The following FHIT variants were observed in gnomAD, a reference collection of about 807,000 sequenced individuals.
The protein encoded by FHIT is fragile histidine triad diadenosine triphosphatase, also known as bis(5'-adenosyl)-triphosphatase.
In FHIT, 19 loss-of-function variants were observed where a neutral mutation model predicts 17.9. The observed-to-expected ratio is 1.06, with a 90% CI of 0.74 to 1.56. The LOEUF is 1.56. FHIT is among the 40% of genes most tolerant of loss of function. The probability of loss-of-function intolerance (pLI) is 0.00; values close to 1 mark genes in which losing one functional copy is unlikely to be tolerated. For missense variants in FHIT, 248 were observed against 189.2 expected (o/e 1.31, Z -1.82); for synonymous variants, 81 against 69.7 (o/e 1.16, Z -0.81).
intron 8 of FHIT, among the ~76,000 whole-genome samples, chr3:59,760,971 G>A (rs1701485430): frequency 6.6e-6 from 1 of 152,100 alleles, no homozygotes; most frequent in Admixed American, 6.5e-5. Context: ...GCACCACTGT[G>A]CTCGGCCTAG....
intron 4 of FHIT, among the ~76,000 whole-genome samples, chr3:60,544,596 A>ATTTTTTT (rs33965820): frequency 8.0e-6 from 1 of 124,434 alleles, no homozygotes; most frequent in Non-Finnish European, 1.6e-5. Flanking sequence ...TTCTCAACCT[A>ATTTTTTT]TTTTTTTTTT....
intron 5 of FHIT, among the ~76,000 whole-genome samples, chr3:60,189,244 G>T (rs183755965): frequency 1.0e-3 from 154 of 151,978 alleles, no homozygotes; most frequent in African/African-American, 3.6e-3. Context: ...TGGGGGTGGG[G>T]GGGAAAGAGG....
At chr3:61,139,857 G>A (rs1455632662) in intron 2 of FHIT, among the ~76,000 whole-genome samples, 1 of 151,970 alleles carries the variant, frequency 6.6e-6, no homozygotes, top group East Asian at 1.9e-4. Context: ...CACCATCACT[G>A]AGCACAGTCA....
intron 5 of FHIT, among the ~76,000 whole-genome samples, chr3:60,503,302 A>C (rs930187118): frequency 2.6e-5 from 4 of 152,204 alleles, no homozygotes; most frequent in Non-Finnish European, 5.9e-5. Flanking sequence ...TAGTAGCAAA[A>C]TGTTTTTCCA....
intron 5 of FHIT, among the ~76,000 whole-genome samples, chr3:60,087,207 C>A (rs1703531477): frequency 6.6e-6 from 1 of 152,162 alleles, no homozygotes; most frequent in Non-Finnish European, 1.5e-5. Context: ...AGAGGCAGCC[C>A]AGGGCAGCAA....
In FHIT at chr3:60,029,946, G is replaced by T. The variant is rs1472751162; in HGVS notation, c.104-15794C>A. 1.9e-5 allele frequency among the ~76,000 whole-genome samples: 2 copies of T among 107,362 alleles called. 1 individual carries two copies. Among genetic ancestry groups the T allele is most frequent in the Middle Eastern group, 0.01 (2 of 194 alleles). The allele number at this position is 107,362 out of a possible 152,430, so 70.4% of individuals were successfully genotyped here. A position where few individuals can be genotyped will look rare whatever the true frequency, so the allele number is the denominator to read the frequency against. Reference sequence around the variant, plus strand: ...GTGTGTGTACAAATGTGATGGCCTTGGTGCAGCGTGGCTTTTTGCAGAGTC... The same window carrying T: ...GTGTGTGTACAAATGTGATGGCCTTTGTGCAGCGTGGCTTTTTGCAGAGTC... On this transcript the variant is annotated intron_variant, in intron 5 of 9. Coordinates refer to ENST00000492590, the MANE Select transcript of FHIT (RefSeq NM_002012.4).
intron 5 of FHIT, among the ~76,000 whole-genome samples, chr3:60,468,323 C>T (rs1035339634): frequency 2.0e-5 from 3 of 151,988 alleles, no homozygotes; most frequent in Non-Finnish European, 2.9e-5. Flanking sequence ...AGGATTTACT[C>T]CTGCTATTTT....
chr3:59,880,543 G>A (rs973259801), intron 8 of FHIT, among the ~76,000 whole-genome samples: 1 of 152,178 alleles, frequency 6.6e-6, no homozygotes, highest in African/African-American at 2.4e-5. Context: ...CTTGAATCTA[G>A]TGCCACAACT....
At chr3:60,320,785 A>AT (rs1559817057) in intron 5 of FHIT, among the ~76,000 whole-genome samples, 2 of 152,258 alleles carry the variant, frequency 1.3e-5, no homozygotes, top group African/African-American at 4.8e-5. Flanking sequence ...TTAGGGAGAT[A>AT]TAAATTTGAA....
intron 3 of FHIT, among the ~76,000 whole-genome samples, chr3:61,027,864 T>TA (rs1002378442): frequency 6.6e-6 from 1 of 152,212 alleles, no homozygotes; most frequent in African/African-American, 2.4e-5. Flanking sequence ...AATTACATGT[T>TA]ACATGTCCTT....
At chr3:61,074,923 T>C (rs2034924464) in intron 2 of FHIT, among the ~76,000 whole-genome samples, 1 of 152,130 alleles carries the variant, frequency 6.6e-6, no homozygotes, top group African/African-American at 2.4e-5. Context: ...GTGAAAAGCA[T>C]CAAGTTAAAC....
chr3:60,339,837 G>T (rs1710429075), intron 5 of FHIT, among the ~76,000 whole-genome samples: 2 of 152,112 alleles, frequency 1.3e-5, no homozygotes, highest in African/African-American at 2.4e-5. Context: ...TCACCTTGTT[G>T]CTATGCACGC....
chr3:60,751,647 T>G (rs1341348984), intron 4 of FHIT, among the ~76,000 whole-genome samples: 1 of 152,186 alleles, frequency 6.6e-6, no homozygotes, highest in African/African-American at 2.4e-5. Context: ...TTTTAAGGAA[T>G]TGGAGATGCT....
intron 5 of FHIT, among the ~76,000 whole-genome samples, chr3:60,181,097 T>C (rs1447437935): frequency 6.6e-6 from 1 of 151,924 alleles, no homozygotes; most frequent in African/African-American, 2.4e-5. Flanking sequence ...GCACCAGGAA[T>C]ATTACTATTA....
At position 60,860,955 on chromosome 3, in the gene FHIT, A is replaced by G. The variant is rs190311538; in HGVS notation, c.-110-38944T>C. Among the ~76,000 whole-genome samples, 34 of 95,874 alleles carry G rather than the reference A, an allele frequency of 3.5e-4. 1 individual carries two copies. Among genetic ancestry groups the G allele is most frequent in the African/African-American group, 1.2e-3 (32 of 27,272 alleles). The allele number at this position is 95,874 out of a possible 152,430, so 62.9% of individuals were successfully genotyped here. On this transcript the variant is annotated intron_variant, in intron 3 of 9. Coordinates refer to ENST00000492590, the MANE Select transcript of FHIT (RefSeq NM_002012.4). ...TATATATCATGTATATATGATACAT[A>G]TATACGTATATATCATGTATATATG...
At chr3:60,763,141 C>T (rs1699717991) in intron 4 of FHIT, among the ~76,000 whole-genome samples, 1 of 152,216 alleles carries the variant, frequency 6.6e-6, no homozygotes, top group South Asian at 2.1e-4. Context: ...TATGAGTACT[C>T]CTGACTCCAC....
At chr3:59,991,593 A>G (rs1237631306) in intron 7 of FHIT, among the ~76,000 whole-genome samples, 1 of 152,056 alleles carries the variant, frequency 6.6e-6, no homozygotes, top group African/African-American at 2.4e-5. Context: ...CTATCGGGTT[A>G]TTCTCTAGGA....
chr3:60,108,665 CTTTTTTT>C (rs67464031), intron 5 of FHIT, among the ~76,000 whole-genome samples: 1 of 143,886 alleles, frequency 6.9e-6, no homozygotes, highest in African/African-American at 2.6e-5. Context: ...AGTTACTTCT[CTTTTTTT>C]TTTTTTTTGA....
intron 8 of FHIT, among the ~76,000 whole-genome samples, chr3:59,919,602 G>A (rs151128478): frequency 3.9e-5 from 6 of 152,252 alleles, no homozygotes; most frequent in South Asian, 2.1e-4. Context: ...ACAGTGCCTA[G>A]AAAGAACACA....
Sources: gnomAD v4.1 joint callset for allele counts (sites outside exome capture counted in the v4.1 genomes callset) on GRCh38, gnomAD v4.1.1 for gene constraint, MANE v1.5 for transcripts, NCBI Gene and HGNC (gene_info 2026-07-23, HGNC 2026-07-21) for gene names.